SDF2: variants seen among roughly 807,000 people sequenced by gnomAD.
The protein encoded by SDF2 is stromal cell derived factor 2.
In SDF2, 12 loss-of-function variants were observed where a neutral mutation model predicts 20.5. That is an observed-to-expected ratio of 0.58 (90% CI 0.37 to 0.95). The LOEUF is 0.95. Ranked by LOEUF, SDF2 falls within the 40% of genes least tolerant of loss-of-function variation. The pLI, the probability that SDF2 is intolerant of heterozygous loss-of-function variation, is 0.01. For synonymous variants in SDF2, 100 were observed against 101.0 expected (o/e 0.99, Z 0.06); for missense variants, 238 against 263.1 (o/e 0.90, Z 0.66).
chr17:28,656,665 T>C (rs538053645), intron 1 of SDF2, among the ~76,000 whole-genome samples: 12 of 152,306 alleles, frequency 7.9e-5, no homozygotes, highest in African/African-American at 2.9e-4. Context: ...GTATGTCATA[T>C]CAGAAAATTC....
intron 1 of SDF2, 44 bp from the exon 2 acceptor site, chr17:28,655,527 A>C: frequency 6.6e-7 from 1 of 1,509,428 alleles, no homozygotes; most frequent in African/African-American, 1.4e-5. Flanking sequence ...TCTGCCATGG[A>C]CAACATGCTC....
At position 28,649,251 on chromosome 17, in the gene SDF2, C is replaced by T; in HGVS notation, c.374G>A (p.Gly125Asp). The change falls in exon 3 of 3, where the codon GGT becomes GAT. Residue 125 changes from glycine to aspartate, a missense_variant. Physicochemically the swap from Gly to Asp is moderately conservative, Grantham distance 94. Transcript: ENST00000247020. Reference protein sequence around the residue: ...NQEVSAFGEEGEGDYLDDWTV... With the variant: ...NQEVSAFGEEDEGDYLDDWTV... Reference sequence around the variant, plus strand: ...CCAGTCATCCAGATAATCACCTTCACCTTCCTCACCAAAAGCACTCACTTC... The same window carrying T: ...CCAGTCATCCAGATAATCACCTTCATCTTCCTCACCAAAAGCACTCACTTC... The T allele has an allele frequency of 1.2e-6, 2 of 1,614,120 alleles. No individual in the cohort carries two copies. Among genetic ancestry groups the T allele is most frequent in the Non-Finnish European group, 1.7e-6 (2 of 1,180,016 alleles).
At position 28,651,169 on chromosome 17, in the gene SDF2, C is replaced by T. The variant is rs2071911851; in HGVS notation, c.349-1893G>A. Among the ~76,000 whole-genome samples, 3 of 152,144 alleles carry T rather than the reference C, an allele frequency of 2.0e-5. No homozygotes were observed. The South Asian group carries it at 6.2e-4, about 31-fold the overall frequency. Reference sequence around the variant, plus strand: ...CTCTGCAACCTCCACCTCTTGGGTTCTCATGCCTCAGCCTCCAGAATAGCT... The same window carrying T: ...CTCTGCAACCTCCACCTCTTGGGTTTTCATGCCTCAGCCTCCAGAATAGCT... On this transcript the variant is annotated intron_variant, in intron 2 of 2. Coordinates refer to ENST00000247020, the MANE Select transcript of SDF2 (RefSeq NM_006923.4).
intron 1 of SDF2, chr17:28,656,361 T>C (rs1468530477): frequency 6.6e-6 from 1 of 151,716 alleles, no homozygotes; most frequent in East Asian, 1.9e-4. Context: ...GCTGAGGCAG[T>C]TGGATTGCTT....
chr17:28,654,925 C>T (rs1319574824), intron 2 of SDF2, among the ~76,000 whole-genome samples: 1 of 152,064 alleles, frequency 6.6e-6, no homozygotes, highest in Non-Finnish European at 1.5e-5. Flanking sequence ...CATTGCACTC[C>T]AGCCTGGGTG....
intron 2 of SDF2, among the ~76,000 whole-genome samples, chr17:28,649,746 AAG>A (rs2071897545): frequency 6.7e-6 from 1 of 150,156 alleles, no homozygotes; most frequent in African/African-American, 2.4e-5. Context: ...AAAAAAAAAA[AAG>A]AAAAAAAAAA....
At position 28,661,083 on chromosome 17, in the gene SDF2, T is replaced by TAAAA. The variant is rs11385140; in HGVS notation, c.151+639_151+642dup. 471 of 314,356 alleles carry TAAAA rather than the reference T, an allele frequency of 1.5e-3. 7 individuals are homozygous for TAAAA. The highest frequency in any genetic ancestry group is 6.8e-3 in the African/African-American group (240 of 35,192). The allele number at this position is 314,356 out of a possible 1,614,324, so 19.5% of individuals were successfully genotyped here. The stretch of plus-strand genomic sequence containing the variant: ...TACTAAACATTTTAATTTCAAACGC[T>TAAAA]AAAAAAAAAAAAAAAAAAAAGCAGT... On this transcript the variant is annotated intron_variant, in intron 1 of 2. Coordinates refer to ENST00000247020, the MANE Select transcript of SDF2 (RefSeq NM_006923.4).
chr17:28,661,798 C>A lies in SDF2; in HGVS notation c.79G>T (p.Gly27Cys). ...GTATTGAGTAGCTTCACCACGGAGC[C>A]GCAAGTAACGACACCCAGGCTGGAC... ...GASSLGVVTC[G>C]SVVKLLNTRH... is the part of the protein sequence containing the mutation. The change falls in exon 1 of 3, where the codon GGC becomes TGC. Residue 27 changes from glycine to cysteine, a missense_variant. By Grantham distance (159) the Gly-to-Cys change is radical. Coordinates refer to ENST00000247020, the MANE Select transcript of SDF2 (RefSeq NM_006923.4). 1 of 1,614,100 alleles carries A rather than the reference C, an allele frequency of 6.2e-7. No homozygotes were observed. Among genetic ancestry groups the A allele is most frequent in the Non-Finnish European group, 8.5e-7 (1 of 1,180,012 alleles).
At chr17:28,661,541 A>G (rs914428727) in intron 1 of SDF2, among the ~76,000 whole-genome samples, 185 bp downstream of exon 1, 4 of 152,176 alleles carry the variant, frequency 2.6e-5, no homozygotes. Context: ...AGCTCACCAA[A>G]TATTAGGTGG....
In SDF2 at chr17:28,655,453, G is replaced by A; in HGVS notation, c.182C>T (p.Thr61Ile). The change falls in exon 2 of 3, where the codon ACC becomes ATC. Residue 61 changes from threonine (T) to isoleucine (I), a missense_variant. Coordinates refer to ENST00000247020, the MANE Select transcript of SDF2 (RefSeq NM_006923.4). ...GSGQQSVTGV[T>I]SVDDSNSYWR... ...GTAACTGTTGCTGTCATCCACAGAGGTTACACCTGTCACTGACTGCTGCCC... is the reference window on the plus strand; with the variant it reads ...GTAACTGTTGCTGTCATCCACAGAGATTACACCTGTCACTGACTGCTGCCC... 1 of 1,610,746 alleles carries A rather than the reference G, an allele frequency of 6.2e-7. No homozygotes were observed. Among genetic ancestry groups the A allele is most frequent in the Non-Finnish European group, 8.5e-7 (1 of 1,178,092 alleles).
In SDF2 at chr17:28,661,759, G is replaced by A. The variant is rs761797644; in HGVS notation, c.118C>T (p.Arg40Ter). ...VKLLNTRHNVRLHSHDVRYGS... is the reference protein window; with the variant it reads ...VKLLNTRHNV ...TAGCGCACGTCGTGTGAGTGCAGTC[G>A]GACGTTGTGGCGCGTATTGAGTAGC... is the stretch of plus-strand genomic sequence containing the variant. Residue 40 changes from arginine (R) to a stop codon, truncating the protein, a stop_gained, in exon 1 of 3, where the codon CGA (arginine) becomes TGA (stop). Transcript: ENST00000247020. LOFTEE classifies it high-confidence loss of function. The A allele has an allele frequency of 1.9e-6, 3 of 1,613,986 alleles. No individual in the cohort carries two copies. The highest frequency in any genetic ancestry group is 2.5e-6 in the Non-Finnish European group (3 of 1,179,948).
intron 2 of SDF2, among the ~76,000 whole-genome samples, chr17:28,653,228 A>G (rs2071929444): frequency 6.6e-6 from 1 of 152,236 alleles, no homozygotes; most frequent in Non-Finnish European, 1.5e-5. Context: ...CAAGGTCCAC[A>G]TCAACAGTCA....
At chr17:28,660,893 CT>C (rs111253537) in intron 1 of SDF2, 10 of 159,810 alleles carry the variant, frequency 6.3e-5, no homozygotes, top group East Asian at 1.9e-4. Context: ...TTAACTTTAT[CT>C]TTTTTTTTCA....
chr17:28,652,685 C>T (rs1361467295), intron 2 of SDF2, among the ~76,000 whole-genome samples: 1 of 152,164 alleles, frequency 6.6e-6, no homozygotes, highest in Admixed American at 6.5e-5. Flanking sequence ...AGGCCTAGAA[C>T]TTGGTTTTAA....
intron 1 of SDF2, chr17:28,661,011 T>A (rs891696192): frequency 5.9e-6 from 2 of 337,536 alleles, no homozygotes; most frequent in African/African-American, 2.2e-5. Context: ...AGCCATGTAG[T>A]AGGAACTCAT....
rs8080324 is a variant in SDF2, at chr17:28,658,167, T to G, written c.152-2684A>C. Among the ~76,000 whole-genome samples the G allele has an allele frequency of 4.5e-3, 687 of 152,280 alleles. 5 individuals are homozygous for G. Among genetic ancestry groups the G allele is most frequent in the African/African-American group, 0.016 (649 of 41,552 alleles). On this transcript the variant is annotated intron_variant, in intron 1 of 2. Transcript: ENST00000247020. ...GTCTCCTACATTTTCTGCTTTCTATTCAACCGTTCACTTCTTCCTCCAAAT... is the reference window on the plus strand; with the variant it reads ...GTCTCCTACATTTTCTGCTTTCTATGCAACCGTTCACTTCTTCCTCCAAAT...
chr17:28,658,683 ATC>A (rs924939772), intron 1 of SDF2, among the ~76,000 whole-genome samples: 1 of 151,698 alleles, frequency 6.6e-6, no homozygotes, highest in African/African-American at 2.4e-5. Flanking sequence ...TAACAATCTG[ATC>A]TCTCTTTCTT....
At chr17:28,653,392 C>T (rs1019466177) in intron 2 of SDF2, among the ~76,000 whole-genome samples, 22 of 152,218 alleles carry the variant, frequency 1.4e-4, no homozygotes, top group Non-Finnish European at 3.2e-4. Flanking sequence ...CTGACCAGCA[C>T]TCCTCAAAGC....
chr17:28,650,826 A>C (rs1017231394), intron 2 of SDF2, among the ~76,000 whole-genome samples: 6 of 151,560 alleles, frequency 4.0e-5, no homozygotes, highest in Admixed American at 1.3e-4. Context: ...AAAAAAAAAA[A>C]AAAAACAGTT....
Sources: gnomAD v4.1 joint callset for allele counts (sites outside exome capture counted in the v4.1 genomes callset) on GRCh38, gnomAD v4.1.1 for gene constraint, MANE v1.5 for transcripts, NCBI Gene and HGNC (gene_info 2026-07-23, HGNC 2026-07-21) for gene names.